The following NRXN1 variants were observed in gnomAD, a reference collection of about 807,000 sequenced individuals.
NRXN1 encodes neurexin 1, also known as neurexin-1.
NRXN1 carries 39 observed loss-of-function variants against 150.9 expected under a neutral mutation model. The ratio of observed to expected loss-of-function variants is 0.26; its 90% CI spans 0.20 to 0.34. The LOEUF is 0.34. Ranked by LOEUF, NRXN1 falls within the 10% of genes least tolerant of loss-of-function variation. The pLI is 1.00. For missense variants in NRXN1, 1,815 were observed against 1,949.9 expected, an observed-to-expected ratio of 0.93 and a Z score of 1.30; for synonymous variants, 924 against 757.0, an observed-to-expected ratio of 1.22 and a Z score of -3.62.
intron 2 of NRXN1, among the ~76,000 whole-genome samples, chr2:50,951,634 T>C (rs1691351144): frequency 1.3e-5 from 2 of 152,086 alleles, no homozygotes; most frequent in Admixed American, 6.5e-5. Context: ...ACATCTCTCA[T>C]AGTATGAGTC....
chr2:50,142,531 G>C (rs1259839562), intron 18 of NRXN1, among the ~76,000 whole-genome samples: 1 of 151,696 alleles, frequency 6.6e-6, no homozygotes, highest in Non-Finnish European at 1.5e-5. Context: ...CCCCTGACTT[G>C]ATCGTTACAC....
intron 5 of NRXN1, among the ~76,000 whole-genome samples, chr2:50,830,030 A>G (rs1166512681): frequency 7.4e-6 from 1 of 135,460 alleles, no homozygotes; most frequent in African/African-American, 2.7e-5. Flanking sequence ...AAAAAAAAAA[A>G]GCTCATTTCT....
chr2:50,382,368 G>A (rs747762523), intron 17 of NRXN1, among the ~76,000 whole-genome samples: 2 of 152,170 alleles, frequency 1.3e-5, no homozygotes, highest in African/African-American at 2.4e-5. Flanking sequence ...ATAACAAATT[G>A]TGGTTAGACA....
Position 50,583,340 on chromosome 2 carries a change from C to T in NRXN1, c.1321-30315G>A, listed in dbSNP as rs115512817. 5.3e-3 allele frequency among the ~76,000 whole-genome samples: 802 copies of T among 152,222 alleles called. 9 individuals carry two copies. The highest frequency in any genetic ancestry group is 0.019 in the African/African-American group (771 of 41,530). On this transcript the variant is annotated intron_variant, in intron 8 of 22. Coordinates refer to ENST00000401669, the MANE Select transcript of NRXN1 (RefSeq NM_001330078.2). The stretch of plus-strand genomic sequence containing the variant: ...TACAGGTGTGAGCCACCACACCTAG[C>T]GCCTCTACCTTTTAACCTGATTAAC...
chr2:50,724,521 A>C (rs1368795066), intron 5 of NRXN1, among the ~76,000 whole-genome samples: 1 of 152,166 alleles, frequency 6.6e-6, no homozygotes, highest in Admixed American at 6.5e-5. Flanking sequence ...TACCTGATGC[A>C]TATTAATGAA....
chr2:50,684,232 C>A (rs564488091), intron 5 of NRXN1, among the ~76,000 whole-genome samples: 1 of 152,240 alleles, frequency 6.6e-6, no homozygotes, highest in African/African-American at 2.4e-5. Context: ...CCAGGTGGCT[C>A]ATGCCTGTAA....
chr2:49,977,199 AT>A (rs1679139429), intron 21 of NRXN1, among the ~76,000 whole-genome samples: 1 of 152,188 alleles, frequency 6.6e-6, no homozygotes, highest in South Asian at 2.1e-4. Context: ...AAAGATTACA[AT>A]TTGAATAATT....
chr2:50,664,397 G>A (rs1391237527), intron 5 of NRXN1, among the ~76,000 whole-genome samples: 2 of 25,422 alleles, frequency 7.9e-5, no homozygotes, highest in East Asian at 2.7e-3. Context: ...AGTTTAAAGC[G>A]TGTGTGTGTG....
chr2:50,693,094 T>G (rs980502856), intron 5 of NRXN1, among the ~76,000 whole-genome samples: 1 of 152,036 alleles, frequency 6.6e-6, no homozygotes, highest in Non-Finnish European at 1.5e-5. Context: ...CTAAACCCAT[T>G]TTGCTGCTGA....
intron 21 of NRXN1, among the ~76,000 whole-genome samples, chr2:49,988,619 T>TAAAAAAAA (rs3046623): frequency 1.6e-5 from 2 of 128,000 alleles, no homozygotes; most frequent in Non-Finnish European, 1.6e-5. Flanking sequence ...AGTTAACTAT[T>TAAAAAAAA]AAAAAAAAAA....
chr2:50,686,957 T>C (rs1259298340), intron 5 of NRXN1, among the ~76,000 whole-genome samples: 1 of 152,198 alleles, frequency 6.6e-6, no homozygotes, highest in Non-Finnish European at 1.5e-5. Flanking sequence ...GGGAGGAAGA[T>C]GCAAAACTCT....
At chr2:50,408,094 G>T (rs909862298) in intron 17 of NRXN1, among the ~76,000 whole-genome samples, 1 of 151,916 alleles carries the variant, frequency 6.6e-6, no homozygotes, top group African/African-American at 2.4e-5. Context: ...TGCCCATCTT[G>T]GAAATCTAAG....
At chr2:50,340,399 G>T (rs1277609241) in intron 17 of NRXN1, among the ~76,000 whole-genome samples, 1 of 152,138 alleles carries the variant, frequency 6.6e-6, no homozygotes, top group Non-Finnish European at 1.5e-5. Flanking sequence ...AATGAAAGAA[G>T]CGGGTGCTTT....
At chr2:50,232,387 CTTTTTT>C (rs56846249) in intron 18 of NRXN1, among the ~76,000 whole-genome samples, 1 of 55,232 alleles carries the variant, frequency 1.8e-5, no homozygotes, top group East Asian at 3.5e-4. Context: ...CTTTTCTTTT[CTTTTTT>C]TTTTTTTTTT....
At chr2:51,022,166 T>C (rs1669713877) in intron 2 of NRXN1, among the ~76,000 whole-genome samples, 4 of 152,096 alleles carry the variant, frequency 2.6e-5, no homozygotes, top group African/African-American at 9.7e-5. Flanking sequence ...TCGGTGGAAA[T>C]AGTCAGTGAG....
chr2:49,983,218 T>C (rs1680273260), intron 21 of NRXN1, among the ~76,000 whole-genome samples: 1 of 152,184 alleles, frequency 6.6e-6, no homozygotes, highest in South Asian at 2.1e-4. Flanking sequence ...TTCTTTTTCC[T>C]AGATTATTAG....
At chr2:50,028,495 G>A (rs1198795639) in intron 21 of NRXN1, among the ~76,000 whole-genome samples, 1 of 152,182 alleles carries the variant, frequency 6.6e-6, no homozygotes, top group Admixed American at 6.5e-5. Context: ...CAACAGCATA[G>A]TGTGTCCTAC....
intron 21 of NRXN1, among the ~76,000 whole-genome samples, chr2:50,050,580 T>G (rs920704500): frequency 1.2e-4 from 18 of 152,032 alleles, no homozygotes; most frequent in African/African-American, 4.3e-4. Flanking sequence ...AGACAACATT[T>G]AAAGGAAGAT....
intron 21 of NRXN1, among the ~76,000 whole-genome samples, chr2:50,030,386 A>G (rs2351150): frequency 1 from 152,212 of 152,246 alleles, 76,089 homozygotes; most frequent in Middle Eastern, 1. Context: ...TAGTGCCCCC[A>G]TCTCCCAGTC....
Sources: gnomAD v4.1 joint callset for allele counts (sites outside exome capture counted in the v4.1 genomes callset) on GRCh38, gnomAD v4.1.1 for gene constraint, MANE v1.5 for transcripts, NCBI Gene and HGNC (gene_info 2026-07-23, HGNC 2026-07-21) for gene names.